Variants in RGS5 observed in about 807,000 individuals in gnomAD.
RGS5 encodes the protein regulator of G-protein signalling 5.
In RGS5, 20 loss-of-function variants were observed where a neutral mutation model predicts 18.9. The ratio of observed to expected loss-of-function variants is 1.06; its 90% CI spans 0.74 to 1.54. The LOEUF (loss-of-function observed/expected upper bound fraction) is 1.54, where lower values mean the gene tolerates loss of function less well. Among genes scored for constraint, RGS5 ranks in the 40% most tolerant of loss-of-function variants. The pLI, the probability that RGS5 is intolerant of heterozygous loss-of-function variation, is 0.00. For synonymous variants in RGS5, 57 were observed against 76.2 expected, an observed-to-expected ratio of 0.75 and a Z score of 1.31; for missense variants, 201 against 211.8, an observed-to-expected ratio of 0.95 and a Z score of 0.32.
chr1:163,174,042 C>G (rs1375777932), intron 1 of RGS5, among the ~76,000 whole-genome samples: 1 of 152,164 alleles, frequency 6.6e-6, no homozygotes, highest in African/African-American at 2.4e-5. Flanking sequence ...TGCCGCTGCA[C>G]TCCAGCCTGG....
In RGS5 at chr1:163,142,953, G is replaced by A. The variant is rs1034074147; in HGVS notation, c.*4389C>T. Reference sequence around the variant, plus strand: ...AAGATGTATTATTAAAACGTGAGTTGAGAATAATATTCCAAATGTTTGTTG... The same window carrying A: ...AAGATGTATTATTAAAACGTGAGTTAAGAATAATATTCCAAATGTTTGTTG... On this transcript the variant is annotated 3_prime_UTR_variant, in exon 5 of 5. Coordinates refer to ENST00000313961, the MANE Select transcript of RGS5 (RefSeq NM_003617.4). 3 of 152,190 alleles carry A rather than the reference G, an allele frequency of 2.0e-5. No homozygotes were observed. Among genetic ancestry groups the A allele is most frequent in the Non-Finnish European group, 4.4e-5 (3 of 68,026 alleles). 9.4% of individuals were successfully genotyped at this position (152,190 alleles called of 1,614,324 possible).
intron 2 of RGS5, among the ~76,000 whole-genome samples, chr1:163,300,226 T>A (rs1649518460): frequency 6.6e-6 from 1 of 152,192 alleles, no homozygotes; most frequent in Admixed American, 6.5e-5. Context: ...TAGAGGGCAG[T>A]GGTCTTGTGA....
chr1:163,154,044 A>G (rs1657488453), intron 3 of RGS5, among the ~76,000 whole-genome samples: 1 of 152,178 alleles, frequency 6.6e-6, no homozygotes, highest in Admixed American at 6.6e-5. Flanking sequence ...TATTGTCACC[A>G]GTACTTTAGG....
chr1:163,246,270 A>T (rs1647933296), intron 2 of RGS5, among the ~76,000 whole-genome samples: 1 of 146,528 alleles, frequency 6.8e-6, no homozygotes, highest in Admixed American at 6.9e-5. Flanking sequence ...TAACAATAAA[A>T]AAGAATAGCC....
intron 2 of RGS5, among the ~76,000 whole-genome samples, chr1:163,269,774 ATTT>A (rs1648670408): frequency 6.6e-6 from 1 of 152,140 alleles, no homozygotes. Flanking sequence ...TTAAACTATT[ATTT>A]GGAAGACAAA....
chr1:163,252,443 C>G (rs553706707), intron 2 of RGS5, among the ~76,000 whole-genome samples: 1 of 152,174 alleles, frequency 6.6e-6, no homozygotes, highest in African/African-American at 2.4e-5. Flanking sequence ...AATTTAACTA[C>G]ATTTCGACGT....
At chr1:163,200,299 AGAACT>A (rs1446171849) in intron 1 of RGS5, among the ~76,000 whole-genome samples, 2 of 152,220 alleles carry the variant, frequency 1.3e-5, no homozygotes, top group African/African-American at 4.8e-5. Context: ...TATGGAAGTC[AGAACT>A]GAACTCTTCA....
At chr1:163,170,558 T>G (rs1658254867) in intron 1 of RGS5, among the ~76,000 whole-genome samples, 1 of 152,170 alleles carries the variant, frequency 6.6e-6, no homozygotes, top group Admixed American at 6.5e-5. Context: ...GATTTGCAGT[T>G]ACGGATATTA....
chr1:163,192,517 A>G (rs547225305), intron 1 of RGS5, among the ~76,000 whole-genome samples: 2 of 152,158 alleles, frequency 1.3e-5, no homozygotes, highest in Non-Finnish European at 2.9e-5. Flanking sequence ...ATTCCCATCA[A>G]TCTACGTTCA....
rs1657151286 is a variant in RGS5, at chr1:163,146,908, T to C, written c.*434A>G. 6.5e-6 allele frequency: 1 copy of C among 152,718 alleles called. No individual in the cohort carries two copies. Among genetic ancestry groups the C allele is most frequent in the South Asian group, 2.1e-4 (1 of 4,830 alleles). The allele number at this position is 152,718 out of a possible 1,614,324, so 9.5% of individuals were successfully genotyped here. On this transcript the variant is annotated 3_prime_UTR_variant, in exon 5 of 5. Transcript: ENST00000313961. ...GAAATAATTAGAGGGGTGATCTCCC[T>C]GGATCAGAACTAAAACAAGTGAGAT...
intron 4 of RGS5, among the ~76,000 whole-genome samples, chr1:163,149,187 T>C (rs1188832108): frequency 6.6e-6 from 1 of 152,212 alleles, no homozygotes; most frequent in Non-Finnish European, 1.5e-5. Context: ...TCAGAGTTGA[T>C]GAAGTCCAAT....
At chr1:163,208,020 A>C (rs1447825104) in intron 1 of RGS5, among the ~76,000 whole-genome samples, 1 of 152,196 alleles carries the variant, frequency 6.6e-6, no homozygotes, top group African/African-American at 2.4e-5. Flanking sequence ...CAAACATATA[A>C]GTTATATCAA....
At chr1:163,288,825 T>C (rs973736796) in intron 2 of RGS5, among the ~76,000 whole-genome samples, 4 of 152,192 alleles carry the variant, frequency 2.6e-5, no homozygotes, top group African/African-American at 9.6e-5. Context: ...ATGGAATTTA[T>C]TGTTTTATTA....
At chr1:163,207,567 G>A (rs1423784548), upstream of RGS5, among the ~76,000 whole-genome samples, 2 of 151,940 alleles carry the variant, frequency 1.3e-5, no homozygotes, top group African/African-American at 4.8e-5. Flanking sequence ...TAATTACTAG[G>A]GAATTTGAGC....
chr1:163,314,217 T>C (rs1649951908), intron 1 of RGS5, among the ~76,000 whole-genome samples: 1 of 152,152 alleles, frequency 6.6e-6, no homozygotes, highest in Non-Finnish European at 1.5e-5. Flanking sequence ...AGGAACAATA[T>C]TCAGGTAATA....
chr1:163,159,006 A>C (rs1657695847), intron 3 of RGS5, among the ~76,000 whole-genome samples: 1 of 152,192 alleles, frequency 6.6e-6, no homozygotes, highest in African/African-American at 2.4e-5. Flanking sequence ...TAGCTGAGAA[A>C]AAGAATTCAG....
chr1:163,256,461 AAAG>A (rs926768824), intron 2 of RGS5, among the ~76,000 whole-genome samples: 2 of 152,166 alleles, frequency 1.3e-5, no homozygotes, highest in Admixed American at 6.5e-5. Flanking sequence ...CAGGAATGAG[AAAG>A]AAGGAGGAAG....
chr1:163,146,727 C>T lies in RGS5; in HGVS notation c.*615G>A, dbSNP rs1316627690. ...TGTGTTCAGATTGATTTTGTATAAA[C>T]ATAATATATTCATGGTTGTATCTCT... On this transcript the variant is annotated 3_prime_UTR_variant, in exon 5 of 5. Coordinates refer to ENST00000313961, the MANE Select transcript of RGS5 (RefSeq NM_003617.4). 48 of 152,088 alleles carry T rather than the reference C, an allele frequency of 3.2e-4. No homozygotes were observed. Among genetic ancestry groups the T allele is most frequent in the Admixed American group, 3.1e-3 (47 of 15,262 alleles). 9.4% of individuals were successfully genotyped at this position (152,088 alleles called of 1,614,324 possible).
intron 1 of RGS5, among the ~76,000 whole-genome samples, chr1:163,175,131 G>C (rs1349205770): frequency 6.6e-6 from 1 of 152,122 alleles, no homozygotes; most frequent in Non-Finnish European, 1.5e-5. Context: ...AGATACCCAG[G>C]AAAGAGAAAC....
Sources: allele counts gnomAD v4.1 joint callset (sites outside exome capture counted in the v4.1 genomes callset), GRCh38; gene constraint gnomAD v4.1.1; transcripts MANE v1.5; gene names NCBI Gene and HGNC (gene_info 2026-07-23, HGNC 2026-07-21).